ORC6: variants seen among roughly 807,000 people sequenced by gnomAD.
The protein encoded by ORC6 is origin recognition complex, subunit 6 homolog-like (yeast).
A neutral mutation model predicts 30.0 loss-of-function variants in ORC6; 31 were observed. The observed-to-expected ratio is 1.03, with a 90% confidence interval of 0.78 to 1.40. ORC6 has a LOEUF of 1.40. Among genes scored for constraint, ORC6 ranks in the 40% most tolerant of loss-of-function variants. The pLI is 0.00. For synonymous variants in ORC6, 136 were observed against 111.2 expected (o/e 1.22, Z -1.40); for missense variants, 340 against 304.3 (o/e 1.12, Z -0.87).
At chr16:46,695,524 A>G (rs1966508304) in intron 4 of ORC6, 38 bp from the exon 5 acceptor site, 2 of 1,237,224 alleles carry the variant, frequency 1.6e-6, no homozygotes, top group Admixed American at 3.4e-5. Flanking sequence ...AAAACTGTAC[A>G]GGTCTTGAGA....
rs752110105 is a variant in ORC6 at position 46,698,171 on chromosome 16, A to AGATAGATG, written c.*593_*594insGGATAGAT. The stretch of plus-strand genomic sequence containing the variant: ...GACAGAGCGAGACTTATAGATAGAT[A>AGATAGATG]GATAGATAGATGGATAGATAGATAG... On this transcript the variant is annotated 3_prime_UTR_variant, in exon 7 of 7. Coordinates refer to ENST00000219097, the MANE Select transcript of ORC6 (RefSeq NM_014321.4). 31 of 425,390 alleles carry AGATAGATG rather than the reference A, an allele frequency of 7.3e-5. No individual in the cohort carries two copies. The highest frequency in any genetic ancestry group is 2.8e-4 in the African/African-American group (12 of 43,076). The allele number at this position is 425,390 out of a possible 1,614,324, so 26.4% of individuals were successfully genotyped here. A position where few individuals can be genotyped will look rare whatever the true frequency, so the allele number is the denominator to read the frequency against.
At position 46,697,990 on chromosome 16, in the gene ORC6, C is replaced by G. The variant is rs1966539316; in HGVS notation, c.*405C>G. The G allele has an allele frequency of 2.4e-6, 1 of 423,676 alleles. No individual in the cohort carries two copies. 26.2% of individuals were successfully genotyped at this position (423,676 alleles called of 1,614,324 possible). ...ATTAGCCAGGTGTGATGGTGCATGCCTGTAATCCCAGCTCCTCAGTAGGCT... is the reference window on the plus strand; with the variant it reads ...ATTAGCCAGGTGTGATGGTGCATGCGTGTAATCCCAGCTCCTCAGTAGGCT... On this transcript the variant is annotated 3_prime_UTR_variant, in exon 7 of 7. Coordinates refer to ENST00000219097, the MANE Select transcript of ORC6 (RefSeq NM_014321.4).
chr16:46,695,778 C>T (rs369875116), intron 5 of ORC6, 104 bp downstream of exon 5: 7 of 809,050 alleles, frequency 8.7e-6, no homozygotes, highest in Admixed American at 4.0e-5. Flanking sequence ...TCCTAAATTC[C>T]GTATTACATG....
At chr16:46,696,580 C>T (rs1966519767) in intron 6 of ORC6, among the ~76,000 whole-genome samples, 1 of 152,140 alleles carries the variant, frequency 6.6e-6, no homozygotes, top group South Asian at 2.1e-4. Context: ...AGGCAAATGG[C>T]TGCATTATTG....
Position 46,691,090 on chromosome 16 carries a change from A to C in ORC6, c.165A>C (p.Ala55=), listed in dbSNP as rs767650075. Residue 55 remains alanine (A), a synonymous_variant, in exon 2 of 7, where the codon GCA becomes GCC. Coordinates refer to ENST00000219097, the MANE Select transcript of ORC6 (RefSeq NM_014321.4). ...GTGCAGTCATGTGCCTGGACCTTGCAGCTTCCTGGATGAAGTGCCCCTTGG... is the reference window on the plus strand; with the variant it reads ...GTGCAGTCATGTGCCTGGACCTTGCCGCTTCCTGGATGAAGTGCCCCTTGG... ...TSSAVMCLDL[A]ASWMKCPLDR... 5 of 1,614,194 alleles carry C rather than the reference A, an allele frequency of 3.1e-6. No individual in the cohort carries two copies. The highest frequency in any genetic ancestry group is 4.2e-6 in the Non-Finnish European group (5 of 1,180,030).
rs775365835 is a variant in ORC6, at chr16:46,690,979, C to G, written c.66-12C>G. On this transcript the variant is annotated splice_polypyrimidine_tract_variant and intron_variant, in intron 1 of 6. Transcript: ENST00000219097. ...GAATAAGTTGTAGCGAACACACTGC[C>G]CTTTTAACCAGGAAAGCAGAGGAGT... 1 of 1,614,084 alleles carries G rather than the reference C, an allele frequency of 6.2e-7. No individual in the cohort carries two copies. The highest frequency in any genetic ancestry group is 1.3e-5 in the African/African-American group (1 of 75,032).
intron 2 of ORC6, among the ~76,000 whole-genome samples, chr16:46,691,980 TC>T (rs1170022846): frequency 6.8e-6 from 1 of 147,920 alleles, no homozygotes; most frequent in Non-Finnish European, 1.5e-5. Context: ...TCTCTCTCTC[TC>T]ACCACCCCGC....
intron 6 of ORC6, 29 bp from the exon 7 acceptor site, chr16:46,697,429 T>G (rs759316313): frequency 5.0e-6 from 8 of 1,597,032 alleles, no homozygotes; most frequent in Non-Finnish European, 6.0e-6. Context: ...CTAAGAATTT[T>G]GAAATTGCTT....
At chr16:46,690,758 TG>T in intron 1 of ORC6, 1 of 576,642 alleles carries the variant, frequency 1.7e-6, no homozygotes, top group Non-Finnish European at 3.2e-6. Context: ...GTAATTTTTT[TG>T]TCAAAATTTA....
intron 2 of ORC6, among the ~76,000 whole-genome samples, chr16:46,691,736 G>GT (rs1966439534): frequency 6.6e-6 from 1 of 152,094 alleles, no homozygotes; most frequent in African/African-American, 2.4e-5. Flanking sequence ...GACTCTGCAC[G>GT]TCAATGATTT....
At chr16:46,692,247 T>A (rs1238164507) in intron 2 of ORC6, 135 bp from the exon 3 acceptor site, 4 of 703,328 alleles carry the variant, frequency 5.7e-6, no homozygotes, top group Non-Finnish European at 9.7e-6. Flanking sequence ...TAAATGAAGC[T>A]AAACCTTTAG....
rs138295997 is a variant in ORC6 at position 46,692,478 on chromosome 16, A to G, written c.292A>G (p.Ile98Val). The change falls in exon 3 of 7, where the codon ATA becomes GTA. Residue 98 changes from isoleucine (I) to valine (V), a missense_variant. Ile to Val is a conservative substitution (Grantham distance 29). Coordinates refer to ENST00000219097, the MANE Select transcript of ORC6 (RefSeq NM_014321.4). ...ACTGGGCCTGAATTCAAATATTGGA[A>G]TAAGAGACCTAGCTGTACAGTTTAG... ...CLLGLNSNIGIRDLAVQFSCI... is the reference protein window; with the variant it reads ...CLLGLNSNIGVRDLAVQFSCI... 3 of 1,613,822 alleles carry G rather than the reference A, an allele frequency of 1.9e-6. No homozygotes were observed. In the African/African-American group the frequency reaches 4.0e-5, roughly 22 times the overall value.
At position 46,698,353 on chromosome 16, in the gene ORC6, A is replaced by G. The variant is rs766010922; in HGVS notation, c.*768A>G. The G allele has an allele frequency of 1.1e-5, 5 of 435,770 alleles. No homozygotes were observed. Among genetic ancestry groups the G allele is most frequent in the South Asian group, 8.1e-5 (5 of 61,688 alleles). 27.0% of individuals were successfully genotyped at this position (435,770 alleles called of 1,614,324 possible). A position where few individuals can be genotyped will look rare whatever the true frequency, so the allele number is the denominator to read the frequency against. On this transcript the variant is annotated 3_prime_UTR_variant, in exon 7 of 7. Transcript: ENST00000219097. ...GTATTTTTTATTTGACTAAATCAAT[A>G]TATTGTACAGCCTAAGTTAATAAAT...
rs1170315662 is a variant in ORC6, at chr16:46,697,992, G to A, written c.*407G>A. On this transcript the variant is annotated 3_prime_UTR_variant, in exon 7 of 7. Coordinates refer to ENST00000219097, the MANE Select transcript of ORC6 (RefSeq NM_014321.4). ...TAGCCAGGTGTGATGGTGCATGCCT[G>A]TAATCCCAGCTCCTCAGTAGGCTGA... 7.1e-6 allele frequency: 3 copies of A among 422,698 alleles called. No individual in the cohort carries two copies. Among genetic ancestry groups the A allele is most frequent in the Admixed American group, 5.0e-5 (2 of 40,120 alleles). 26.2% of individuals were successfully genotyped at this position (422,698 alleles called of 1,614,324 possible).
rs1034388192 is a variant in ORC6, at chr16:46,691,046, C to G, written c.121C>G (p.Arg41Gly). Residue 41 changes from arginine (R) to glycine (G), a missense_variant, in exon 2 of 7, where the codon CGC becomes GGC. Coordinates refer to ENST00000219097, the MANE Select transcript of ORC6 (RefSeq NM_014321.4). ...GGTGAAGTGTGTCGGCCTCTCCGCA[C>G]GCACCACGGAGACCAGCAGTGCAGT... is the stretch of plus-strand genomic sequence containing the variant. ...SRVKCVGLSA[R>G]TTETSSAVMC... 2.5e-6 allele frequency: 4 copies of G among 1,613,608 alleles called. No homozygotes were observed. The highest frequency in any genetic ancestry group is 2.7e-5 in the African/African-American group (2 of 74,922).
At chr16:46,690,935 A>G (rs1335433978) in intron 1 of ORC6, 56 bp from the exon 2 acceptor site, 2 of 1,600,064 alleles carry the variant, frequency 1.2e-6, no homozygotes, top group Non-Finnish European at 1.7e-6. Flanking sequence ...TTGTTTACCA[A>G]CGTGTTGAGC....
chr16:46,695,514 A>C (rs768757464), intron 4 of ORC6, 48 bp from the exon 5 acceptor site: 1 of 1,161,186 alleles, frequency 8.6e-7, no homozygotes, highest in South Asian at 1.2e-5. Context: ...CCCAGAGAAG[A>C]AAACTGTACA....
Position 46,689,695 on chromosome 16 carries a change from G to C in ORC6, c.-11G>C. Reference sequence around the variant, plus strand: ...GCGTTCACGGGAATTGTTCGCTTTAGTGCCGGCGCCATGGGGTCGGAGCTG... The same window carrying C: ...GCGTTCACGGGAATTGTTCGCTTTACTGCCGGCGCCATGGGGTCGGAGCTG... On this transcript the variant is annotated 5_prime_UTR_variant, in exon 1 of 7. Coordinates refer to ENST00000219097, the MANE Select transcript of ORC6 (RefSeq NM_014321.4). The C allele has an allele frequency of 6.3e-7, 1 of 1,598,340 alleles. No individual in the cohort carries two copies. The highest frequency in any genetic ancestry group is 8.5e-7 in the Non-Finnish European group (1 of 1,172,294).
Position 46,697,946 on chromosome 16 carries a change from C to T in ORC6, c.*361C>T, listed in dbSNP as rs1323056961. 2 of 447,158 alleles carry T rather than the reference C, an allele frequency of 4.5e-6. No homozygotes were observed. Among genetic ancestry groups the T allele is most frequent in the Non-Finnish European group, 4.5e-6 (1 of 222,206 alleles). The allele number at this position is 447,158 out of a possible 1,614,324, so 27.7% of individuals were successfully genotyped here. Reference sequence around the variant, plus strand: ...CCTGGCCAACATGGTGAAACCCCATCTCTACTAAAAATACAAAAATTAGCC... The same window carrying T: ...CCTGGCCAACATGGTGAAACCCCATTTCTACTAAAAATACAAAAATTAGCC... On this transcript the variant is annotated 3_prime_UTR_variant, in exon 7 of 7. Coordinates refer to ENST00000219097, the MANE Select transcript of ORC6 (RefSeq NM_014321.4).
Sources: allele counts gnomAD v4.1 joint callset (sites outside exome capture counted in the v4.1 genomes callset), GRCh38; gene constraint gnomAD v4.1.1; transcripts MANE v1.5; gene names NCBI Gene and HGNC (gene_info 2026-07-23, HGNC 2026-07-21).